SPTBN1: variants seen among roughly 807,000 people sequenced by gnomAD.
The protein encoded by SPTBN1 is spectrin beta chain, non-erythrocytic 1.
In SPTBN1, 32 loss-of-function variants were observed where a neutral mutation model predicts 266.4. The ratio of observed to expected loss-of-function variants is 0.12; its 90% CI spans 0.09 to 0.16. The LOEUF is 0.16. Ranked by LOEUF, SPTBN1 falls within the 10% of genes least tolerant of loss-of-function variation. The pLI, the probability that SPTBN1 is intolerant of heterozygous loss-of-function variation, is 1.00. For missense variants in SPTBN1, 2,296 were observed against 3,067.1 expected (o/e 0.75, Z 5.94); for synonymous variants, 1,336 against 1,162.2 (o/e 1.15, Z -3.04).
chr2:54,490,482 A>G (rs17045916), intron 1 of SPTBN1, among the ~76,000 whole-genome samples: 4,556 of 152,292 alleles, frequency 0.03, 227 homozygotes, highest in African/African-American at 0.1. Context: ...AATATTTACT[A>G]GGAAATTTGA....
At chr2:54,630,179 A>G (rs1420756818) in intron 15 of SPTBN1, 150 bp downstream of exon 15, 10 of 1,084,440 alleles carry the variant, frequency 9.2e-6, no homozygotes, top group East Asian at 5.2e-5. Context: ...GCCTTTTGAC[A>G]TGTCCTTGTT....
In SPTBN1 at chr2:54,661,775, G is replaced by T; in HGVS notation, c.6420+1776G>T. 3.0e-6 allele frequency: 3 copies of T among 985,238 alleles called. No individual in the cohort carries two copies. The South Asian group carries it at 1.4e-4, about 46-fold the overall frequency. The allele number at this position is 985,238 out of a possible 1,614,324, so 61.0% of individuals were successfully genotyped here. The stretch of plus-strand genomic sequence containing the variant: ...GTGTGTTTAAATTTTGTATCATCAG[G>T]ACTGACACCCAATTTGACACTTTTT... On this transcript the variant is annotated intron_variant, in intron 32 of 35. Transcript: ENST00000356805.
intron 1 of SPTBN1, among the ~76,000 whole-genome samples, chr2:54,509,402 A>G (rs1044617014): frequency 6.6e-6 from 1 of 152,190 alleles, no homozygotes; most frequent in Non-Finnish European, 1.5e-5. Flanking sequence ...GAGGAAGAAA[A>G]TAGATTTTGG....
chr2:54,581,811 TAA>T (rs764353748), intron 2 of SPTBN1, among the ~76,000 whole-genome samples: 2 of 152,168 alleles, frequency 1.3e-5, no homozygotes, highest in Non-Finnish European at 2.9e-5. Flanking sequence ...TGCCTCAAGA[TAA>T]AAAGAGGAAG....
intron 1 of SPTBN1, among the ~76,000 whole-genome samples, chr2:54,470,659 G>A (rs1693874206): frequency 6.6e-6 from 1 of 152,146 alleles, no homozygotes; most frequent in African/African-American, 2.4e-5. Flanking sequence ...CTGACTTTTA[G>A]AGGATGTATT....
At chr2:54,614,600 C>T (rs1015762552) in intron 4 of SPTBN1, among the ~76,000 whole-genome samples, 11 of 151,966 alleles carry the variant, frequency 7.2e-5, no homozygotes, top group Non-Finnish European at 1.5e-4. Flanking sequence ...ATCAGGAGTT[C>T]GGGACCAACC....
Position 54,566,281 on chromosome 2 carries a change from G to A in SPTBN1, c.149-32811G>A, listed in dbSNP as rs575232691. Among the ~76,000 whole-genome samples the A allele has an allele frequency of 6.0e-5, 9 of 150,376 alleles. No homozygotes were observed. The East Asian group carries it at 1.0e-3, about 17-fold the overall frequency. ...TCAGCTCACCGCAACGTCCGCCTCCGGGTTCAAGCAATTCTCTTGCCTCAG... is the reference window on the plus strand; with the variant it reads ...TCAGCTCACCGCAACGTCCGCCTCCAGGTTCAAGCAATTCTCTTGCCTCAG... On this transcript the variant is annotated intron_variant, in intron 2 of 35. Transcript: ENST00000356805.
intron 26 of SPTBN1, among the ~76,000 whole-genome samples, chr2:54,651,961 G>A (rs1680320228): frequency 6.6e-6 from 1 of 151,964 alleles, no homozygotes; most frequent in Admixed American, 6.6e-5. Context: ...GTGCAATCAG[G>A]GGTCAGTAAT....
At chr2:54,559,012 G>A (rs1673085409) in intron 2 of SPTBN1, 1 of 1,119,078 alleles carries the variant, frequency 8.9e-7, no homozygotes, top group South Asian at 1.7e-5. Flanking sequence ...GGTTGGCTGC[G>A]GGCACCCCAT....
intron 1 of SPTBN1, among the ~76,000 whole-genome samples, chr2:54,523,734 T>C (rs1670627867): frequency 6.6e-6 from 1 of 152,216 alleles, no homozygotes; most frequent in Non-Finnish European, 1.5e-5. Flanking sequence ...GAATCATCTC[T>C]TGAATGATCC....
chr2:54,467,238 A>AT (rs544513664), intron 1 of SPTBN1, among the ~76,000 whole-genome samples: 237 of 128,988 alleles, frequency 1.8e-3, no homozygotes, highest in African/African-American at 6.6e-3. Context: ...GGGATAGGGG[A>AT]TTTTTTTGGG....
chr2:54,496,591 T>G (rs549645011), intron 1 of SPTBN1, among the ~76,000 whole-genome samples: 3 of 152,348 alleles, frequency 2.0e-5, no homozygotes, highest in Admixed American at 2.0e-4. Flanking sequence ...GTTATTTTTC[T>G]GTTTAACAGA....
At chr2:54,529,849 CA>C (rs1671098355) in intron 2 of SPTBN1, 2 of 87,662 alleles carry the variant, frequency 2.3e-5, no homozygotes, top group Non-Finnish European at 3.8e-5. Context: ...TATCTCTTTT[CA>C]CCAAAAAAAA....
At chr2:54,468,401 C>CT (rs557407880) in intron 1 of SPTBN1, among the ~76,000 whole-genome samples, 8 of 151,624 alleles carry the variant, frequency 5.3e-5, no homozygotes, top group African/African-American at 9.7e-5. Flanking sequence ...TCTTTTAAGC[C>CT]TTTTTTTTCT....
At chr2:54,476,025 C>CTA (rs1392656998) in intron 1 of SPTBN1, among the ~76,000 whole-genome samples, 1 of 151,852 alleles carries the variant, frequency 6.6e-6, no homozygotes, top group Non-Finnish European at 1.5e-5. Flanking sequence ...CTTCTGGTCA[C>CTA]TATATATAGG....
intron 1 of SPTBN1, among the ~76,000 whole-genome samples, chr2:54,514,240 A>G (rs1173654933): frequency 6.6e-6 from 1 of 152,226 alleles, no homozygotes; most frequent in Admixed American, 6.5e-5. Flanking sequence ...AATAATGATA[A>G]TAAGTTCTTA....
At chr2:54,490,929 G>A (rs1271744777) in intron 1 of SPTBN1, among the ~76,000 whole-genome samples, 1 of 152,156 alleles carries the variant, frequency 6.6e-6, no homozygotes, top group African/African-American at 2.4e-5. Context: ...AGGGAGCTGA[G>A]GCCAGGCAAA....
At chr2:54,593,291 T>A (rs903518443) in intron 2 of SPTBN1, among the ~76,000 whole-genome samples, 2 of 152,194 alleles carry the variant, frequency 1.3e-5, no homozygotes, top group Non-Finnish European at 2.9e-5. Flanking sequence ...GAATTTGTGG[T>A]CCTGAGAAGC....
chr2:54,629,137 A>G lies in SPTBN1; in HGVS notation c.2003A>G (p.Lys668Arg). The change falls in exon 14 of 36, where the codon AAA (lysine) becomes AGA (arginine). Residue 668 changes from lysine to arginine, a missense_variant. Transcript: ENST00000356805. ...ATCCTGTCCTCGGACGATTACGGGA[A>G]AGACCTGACCAGCGTCATGCGCCTG... ...EKILSSDDYG[K>R]DLTSVMRLLS... 3 of 1,613,622 alleles carry G rather than the reference A, an allele frequency of 1.9e-6. No individual in the cohort carries two copies. The highest frequency in any genetic ancestry group is 2.5e-6 in the Non-Finnish European group (3 of 1,179,900).
Sources: allele counts gnomAD v4.1 joint callset (sites outside exome capture counted in the v4.1 genomes callset), GRCh38; gene constraint gnomAD v4.1.1; transcripts MANE v1.5; gene names NCBI Gene and HGNC (gene_info 2026-07-23, HGNC 2026-07-21).